The following CDH12 variants were observed in gnomAD, a reference collection of about 807,000 sequenced individuals.
The protein encoded by CDH12 is cadherin-12.
In CDH12, 41 loss-of-function variants were observed where a neutral mutation model predicts 74.1. The ratio of observed to expected loss-of-function variants is 0.55; its 90% confidence interval spans 0.43 to 0.72. The LOEUF is 0.72. Among genes scored for constraint, CDH12 ranks in the 30% least tolerant of loss-of-function variants. CDH12 has a pLI of 0.00. For missense variants in CDH12, 945 were observed against 977.2 expected (o/e 0.97, Z 0.44); for synonymous variants, 399 against 355.0 (o/e 1.12, Z -1.39).
intron 4 of CDH12, among the ~76,000 whole-genome samples, chr5:22,140,091 C>T (rs368807982): frequency 3.3e-5 from 5 of 152,084 alleles, no homozygotes. Context: ...TGGCTTGAAG[C>T]AGAGAAATCC....
At chr5:22,594,572 A>G (rs146438980) in intron 1 of CDH12, among the ~76,000 whole-genome samples, 1 of 152,242 alleles carries the variant, frequency 6.6e-6, no homozygotes, top group Non-Finnish European at 1.5e-5. Context: ...TGAGAAGAAT[A>G]TACTTGGAAG....
intron 2 of CDH12, among the ~76,000 whole-genome samples, chr5:22,422,612 A>AT: frequency 6.6e-6 from 1 of 152,264 alleles, no homozygotes; most frequent in Admixed American, 6.5e-5. Context: ...CATGGATCTA[A>AT]TAAAAAGATT....
At chr5:22,686,897 TA>T (rs1267558151) in intron 1 of CDH12, among the ~76,000 whole-genome samples, 1 of 152,106 alleles carries the variant, frequency 6.6e-6, no homozygotes, top group Non-Finnish European at 1.5e-5. Context: ...ATTCTGTTGT[TA>T]AAAATACTCT....
In CDH12 at chr5:22,824,458, TA is replaced by T. The variant is rs1749901430; in HGVS notation, c.-523+28599del. On this transcript the variant is annotated intron_variant, in intron 1 of 14. Coordinates refer to ENST00000382254, the MANE Select transcript of CDH12 (RefSeq NM_004061.5). ...GAGTAAGCATGTGAAAGTGTTTTTA[TA>T]AATGTAAATAACATATAAATAAATA... 2.6e-5 allele frequency among the ~76,000 whole-genome samples: 4 copies of T among 152,266 alleles called. No individual in the cohort carries two copies. The South Asian group carries it at 8.3e-4, about 32-fold the overall frequency.
chr5:22,043,653 C>T (rs563914200), intron 5 of CDH12, among the ~76,000 whole-genome samples: 3 of 151,776 alleles, frequency 2.0e-5, no homozygotes, highest in South Asian at 4.2e-4. Flanking sequence ...CATTCACTGT[C>T]CCTGTTTGCA....
chr5:22,669,440 C>T (rs1216370384), intron 1 of CDH12, among the ~76,000 whole-genome samples: 1 of 152,112 alleles, frequency 6.6e-6, no homozygotes, highest in Non-Finnish European at 1.5e-5. Flanking sequence ...CCATCCAATA[C>T]ATATTCTCCC....
chr5:22,833,659 T>A (rs1010578979), intron 1 of CDH12, among the ~76,000 whole-genome samples: 27 of 152,328 alleles, frequency 1.8e-4, no homozygotes, highest in African/African-American at 6.3e-4. Context: ...TGTTTTTAAT[T>A]ATTTGAAAAG....
chr5:22,286,718 T>A (rs527335043), intron 3 of CDH12, among the ~76,000 whole-genome samples: 1 of 151,276 alleles, frequency 6.6e-6, no homozygotes, highest in East Asian at 1.9e-4. Context: ...AAGCAGTGAG[T>A]CAATAACTTG....
chr5:21,820,396 T>C (rs34370211), intron 8 of CDH12, among the ~76,000 whole-genome samples: 11,912 of 152,012 alleles, frequency 0.078, 592 homozygotes, highest in East Asian at 0.16. Context: ...TGTCCAATAA[T>C]GATTGATTTA....
chr5:22,074,119 G>A (rs1353761152), intron 5 of CDH12, among the ~76,000 whole-genome samples: 5 of 151,970 alleles, frequency 3.3e-5, no homozygotes, highest in African/African-American at 4.8e-5. Flanking sequence ...ATGTGAAGAC[G>A]ATGAGGATAA....
intron 6 of CDH12, among the ~76,000 whole-genome samples, chr5:21,902,501 A>G (rs925451673): frequency 6.6e-6 from 1 of 152,078 alleles, no homozygotes; most frequent in African/African-American, 2.4e-5. Context: ...CAAGTACCCA[A>G]GTGATTCATA....
intron 4 of CDH12, among the ~76,000 whole-genome samples, chr5:22,166,504 A>G (rs1748691043): frequency 6.6e-6 from 1 of 152,190 alleles, no homozygotes; most frequent in Admixed American, 6.5e-5. Flanking sequence ...ATTACCAGCA[A>G]CCAAATTAAG....
At chr5:22,587,153 G>A (rs1740446480) in intron 1 of CDH12, among the ~76,000 whole-genome samples, 1 of 151,966 alleles carries the variant, frequency 6.6e-6, no homozygotes, top group South Asian at 2.1e-4. Context: ...GGACTTTTAA[G>A]AGGTAATTAG....
At chr5:22,478,417 C>CA (rs34576542) in intron 2 of CDH12, among the ~76,000 whole-genome samples, 64,407 of 88,616 alleles carry the variant, frequency 0.73, 23,659 homozygotes, top group Admixed American at 0.78. Context: ...GACTCCGTCT[C>CA]AAAAAAAAAA....
At chr5:22,161,355 A>G (rs1271656073) in intron 4 of CDH12, among the ~76,000 whole-genome samples, 1 of 152,180 alleles carries the variant, frequency 6.6e-6, no homozygotes, top group African/African-American at 2.4e-5. Flanking sequence ...AAATACTAAA[A>G]CACCTAAAAG....
chr5:22,825,732 C>A (rs745850755), intron 1 of CDH12, among the ~76,000 whole-genome samples: 6 of 152,118 alleles, frequency 3.9e-5, no homozygotes, highest in Non-Finnish European at 7.3e-5. Context: ...CAATGTGAAG[C>A]CACTGGAGAG....
At chr5:22,618,155 G>A (rs367857996) in intron 1 of CDH12, among the ~76,000 whole-genome samples, 26 of 152,140 alleles carry the variant, frequency 1.7e-4, no homozygotes, top group Admixed American at 2.0e-4. Flanking sequence ...GTTTGCAGAT[G>A]TCAAAATTAT....
At chr5:22,545,736 A>G (rs1738294925) in intron 1 of CDH12, among the ~76,000 whole-genome samples, 1 of 152,358 alleles carries the variant, frequency 6.6e-6, no homozygotes, top group Middle Eastern at 3.4e-3. Context: ...GATGTAAAAT[A>G]TAATTATACT....
chr5:22,197,884 A>AT (rs1341672567), intron 4 of CDH12, among the ~76,000 whole-genome samples: 1 of 152,014 alleles, frequency 6.6e-6, no homozygotes, highest in East Asian at 1.9e-4. Flanking sequence ...AACCTTTCTT[A>AT]TTTTTTTCTT....
Sources: gnomAD v4.1 joint callset for allele counts (sites outside exome capture counted in the v4.1 genomes callset) on GRCh38, gnomAD v4.1.1 for gene constraint, MANE v1.5 for transcripts, NCBI Gene and HGNC (gene_info 2026-07-23, HGNC 2026-07-21) for gene names.